MEGF6: variants seen among roughly 807,000 people sequenced by gnomAD.
The protein encoded by MEGF6 is multiple epidermal growth factor-like domains protein 6.
Under a neutral mutation model 207.1 loss-of-function variants are expected in MEGF6, and 184 were observed. The ratio of observed to expected loss-of-function variants is 0.89; its 90% CI spans 0.79 to 1.00. The LOEUF is 1.00. Among genes scored for constraint, MEGF6 ranks in the 50% least tolerant of loss-of-function variants. MEGF6 has a pLI of 0.00. For synonymous variants in MEGF6, 1,038 were observed against 910.0 expected (o/e 1.14, Z -2.53); for missense variants, 2,282 against 2,202.9 (o/e 1.04, Z -0.72).
chr1:3,523,433 C>A (rs1641838822), intron 5 of MEGF6, among the ~76,000 whole-genome samples: 3 of 152,242 alleles, frequency 2.0e-5, no homozygotes, highest in Admixed American at 2.0e-4. Flanking sequence ...TTCCCTCTAA[C>A]CCTCCCTCCC....
At position 3,509,072 on chromosome 1, in the gene MEGF6, C is replaced by T. The variant is rs1641228098; in HGVS notation, c.1528+3G>A. The stretch of plus-strand genomic sequence containing the variant: ...AGCCCCCGGGGGCTGGGCCCGCGCT[C>T]ACCAAACTTCTCTGTGAGCGTGTGT... On this transcript the variant is annotated splice_donor_region_variant and intron_variant, in intron 12 of 36. Transcript: ENST00000356575. The T allele has an allele frequency of 6.3e-7, 1 of 1,583,804 alleles. No individual in the cohort carries two copies. The highest frequency in any genetic ancestry group is 8.6e-7 in the Non-Finnish European group (1 of 1,166,604).
At chr1:3,618,658 G>A in the MEGF6 span, among the ~76,000 whole-genome samples, 1 of 152,156 alleles carries the variant, frequency 6.6e-6, no homozygotes, top group Non-Finnish European at 1.5e-5. This position sits in a 1 kb window ranked among gnomAD's most constrained non-coding sequence, Gnocchi z 4.7. Context: ...CTTCTGTCAT[G>A]ACTTGCCAAA....
At chr1:3,589,723 A>T (rs374086636) in intron 3 of MEGF6, among the ~76,000 whole-genome samples, 2 of 152,192 alleles carry the variant, frequency 1.3e-5, no homozygotes, top group South Asian at 4.1e-4. Context: ...CTGGGCCTCC[A>T]TGACCGTATG....
At chr1:3,620,776 C>T in the MEGF6 span, among the ~76,000 whole-genome samples, 1 of 152,210 alleles carries the variant, frequency 6.6e-6, no homozygotes. Context: ...ACCACTATTA[C>T]CAAGGCGCGG....
chr1:3,537,438 G>C (rs1642367082), intron 4 of MEGF6, among the ~76,000 whole-genome samples: 1 of 152,254 alleles, frequency 6.6e-6, no homozygotes, highest in East Asian at 1.9e-4. Flanking sequence ...TACAGGCCCA[G>C]CAGGCACCCA....
Position 3,610,432 on chromosome 1 carries a change from C to A in MEGF6, c.131+706G>T, listed in dbSNP as rs577954901. On this transcript the variant is annotated intron_variant, in intron 1 of 36. Coordinates refer to ENST00000356575, the MANE Select transcript of MEGF6 (RefSeq NM_001409.4). The stretch of plus-strand genomic sequence containing the variant: ...CTGGCCCTCGCCCACCCACCCCTGC[C>A]AGCAAGGCCAGGGAGTGCTGGGTGG... Among the ~76,000 whole-genome samples, 1,185 of 152,280 alleles carry A rather than the reference C, an allele frequency of 7.8e-3. 16 individuals carry two copies. Among genetic ancestry groups the A allele is most frequent in the African/African-American group, 0.027 (1,122 of 41,550 alleles).
At position 3,524,199 on chromosome 1, in the gene MEGF6, C is replaced by A. The variant is rs371419765; in HGVS notation, c.529G>T (p.Val177Leu). 6.2e-7 allele frequency: 1 copy of A among 1,612,866 alleles called. No individual in the cohort carries two copies. The highest frequency in any genetic ancestry group is 1.1e-5 in the South Asian group (1 of 91,080). ...THNGGCQHRC[V>L]NTPGSYLCEC... is the part of the protein sequence containing the mutation. ...CAGAGGTAGGAGCCTGGGGTGTTCA[C>A]GCACCGGTGCTGGCAGCCACCGTTG... is the stretch of plus-strand genomic sequence containing the variant. Residue 177 changes from valine (V) to leucine (L), a missense_variant, in exon 5 of 37, where the codon GTG becomes TTG. Physicochemically the swap from Val to Leu is conservative, Grantham distance 32. Coordinates refer to ENST00000356575, the MANE Select transcript of MEGF6 (RefSeq NM_001409.4).
Position 3,496,703 on chromosome 1 carries a change from C to CAGTGA in MEGF6, c.3693_3694insTCACT (p.Gly1232SerfsTer44). 1 of 1,561,300 alleles carries CAGTGA rather than the reference C, an allele frequency of 6.4e-7. No homozygotes were observed. The highest frequency in any genetic ancestry group is 2.4e-5 in the East Asian group (1 of 41,548). ...AACCCAGTGGGGCAGCGGCAGGCCC[C>CAGTGA]CGTGGCCGCATCACAGGAGCCCCCG... On this transcript the variant is annotated frameshift_variant, in exon 29 of 37. Coordinates refer to ENST00000356575, the MANE Select transcript of MEGF6 (RefSeq NM_001409.4). LOFTEE classifies it high-confidence loss of function.
intron 17 of MEGF6, among the ~76,000 whole-genome samples, chr1:3,503,634 T>C (rs1302458543): frequency 4.6e-5 from 7 of 151,904 alleles, no homozygotes; most frequent in African/African-American, 1.5e-4. Context: ...GGTGAGCTGC[T>C]GGTGTGTGTC....
chr1:3,551,255 C>CA (rs1193306816), intron 4 of MEGF6, among the ~76,000 whole-genome samples: 3 of 152,212 alleles, frequency 2.0e-5, no homozygotes, highest in Non-Finnish European at 4.4e-5. Context: ...GGGGATGGAG[C>CA]AGCTGGTGTC....
chr1:3,503,624 GGT>G (rs1284129176), intron 17 of MEGF6, among the ~76,000 whole-genome samples: 1 of 152,064 alleles, frequency 6.6e-6, no homozygotes, highest in Non-Finnish European at 1.5e-5. Flanking sequence ...ATCAGGGGAG[GGT>G]GAGCTGCTGG....
chr1:3,580,836 A>AC (rs919224878), intron 3 of MEGF6, among the ~76,000 whole-genome samples: 2 of 151,618 alleles, frequency 1.3e-5, no homozygotes, highest in Non-Finnish European at 2.9e-5. Context: ...GTGACCTGAG[A>AC]CCCCCTGCCC....
chr1:3,574,236 G>T (rs889507571), intron 4 of MEGF6, among the ~76,000 whole-genome samples: 1 of 151,906 alleles, frequency 6.6e-6, no homozygotes, highest in East Asian at 1.9e-4. Context: ...CCCCAGCAAC[G>T]CCTGGCTCCA....
chr1:3,524,981 C>A (rs1174042244), intron 4 of MEGF6, among the ~76,000 whole-genome samples: 1 of 152,160 alleles, frequency 6.6e-6, no homozygotes, highest in Non-Finnish European at 1.5e-5. Flanking sequence ...GGGAGCGTGG[C>A]CCCGCGGACA....
In MEGF6 at chr1:3,490,384, G is replaced by A. The variant is rs1329296197; in HGVS notation, c.*144C>T. 24 of 874,528 alleles carry A rather than the reference G, an allele frequency of 2.7e-5. No individual in the cohort carries two copies. The highest frequency in any genetic ancestry group is 5.3e-6 in the Non-Finnish European group (3 of 569,614). 54.2% of individuals were successfully genotyped at this position (874,528 alleles called of 1,614,324 possible). On this transcript the variant is annotated 3_prime_UTR_variant, in exon 37 of 37. Coordinates refer to ENST00000356575, the MANE Select transcript of MEGF6 (RefSeq NM_001409.4). The stretch of plus-strand genomic sequence containing the variant: ...AGCCTCCAAGAGCGACAGGTTGCTG[G>A]GCTGTCCACAGCCCTCCACGGCCCT...
intron 1 of MEGF6, among the ~76,000 whole-genome samples, chr1:3,607,932 G>C (rs1644274974): frequency 6.6e-6 from 1 of 152,188 alleles, no homozygotes; most frequent in African/African-American, 2.4e-5. Flanking sequence ...ACCAGGTTGG[G>C]GAGGGCGGGG....
At position 3,575,633 on chromosome 1, in the gene MEGF6, T is replaced by TGA. The variant is rs997762452; in HGVS notation, c.481+4191_481+4192insTC. On this transcript the variant is annotated intron_variant, in intron 4 of 36. Coordinates refer to ENST00000356575, the MANE Select transcript of MEGF6 (RefSeq NM_001409.4). ...AGAAGGCAAGGAGGAGCAAGTCACA[T>TGA]CTTACATGGATGGCAGCAGGCAAAG... is the stretch of plus-strand genomic sequence containing the variant. Among the ~76,000 whole-genome samples, 14 of 132,674 alleles carry TGA rather than the reference T, an allele frequency of 1.1e-4. No homozygotes were observed. In the East Asian group the frequency reaches 1.6e-3, roughly 15 times the overall value. The allele number at this position is 132,674 out of a possible 152,430, so 87.0% of individuals were successfully genotyped here. A position where few individuals can be genotyped will look rare whatever the true frequency, so the allele number is the denominator to read the frequency against.
chr1:3,551,747 G>GAGCTGGATGGGGGC, intron 4 of MEGF6, among the ~76,000 whole-genome samples: 1 of 152,114 alleles, frequency 6.6e-6, no homozygotes, highest in South Asian at 2.1e-4. Context: ...TGGATGGGGG[G>GAGCTGGATGGGGGC]AGCTGGATGG....
At chr1:3,508,782 G>T in intron 12 of MEGF6, 93 bp from the exon 13 acceptor site, 25 of 1,475,738 alleles carry the variant, frequency 1.7e-5, no homozygotes, top group Non-Finnish European at 2.3e-5. Flanking sequence ...CAGGGAAGGG[G>T]CATAAGGGGC....
Sources: gnomAD v4.1 joint callset for allele counts (sites outside exome capture counted in the v4.1 genomes callset) on GRCh38, gnomAD v4.1.1 for gene constraint, Gnocchi (gnomAD v3.1) non-coding constraint, MANE v1.5 for transcripts, NCBI Gene and HGNC (gene_info 2026-07-23, HGNC 2026-07-21) for gene names.